The following PALM2AKAP2 variants were observed in gnomAD, a reference collection of about 807,000 sequenced individuals.
PALM2AKAP2 encodes PALM2 and AKAP2 fusion, also known as PALM2-AKAP2 fusion protein.
PALM2AKAP2 carries 37 observed loss-of-function variants against 71.5 expected under a neutral mutation model. The observed-to-expected ratio is 0.52, with a 90% CI of 0.40 to 0.68. The LOEUF (loss-of-function observed/expected upper bound fraction) is 0.68. Ranked by LOEUF, PALM2AKAP2 falls within the 30% of genes least tolerant of loss-of-function variation. PALM2AKAP2 has a pLI of 0.00. For missense variants in PALM2AKAP2, 1,224 were observed against 1,191.8 expected, an observed-to-expected ratio of 1.03 and a Z score of -0.40; for synonymous variants, 468 against 478.8, an observed-to-expected ratio of 0.98 and a Z score of 0.29.
chr9:109,838,608 C>G (rs1322319428), intron 1 of PALM2AKAP2, among the ~76,000 whole-genome samples: 1 of 151,968 alleles, frequency 6.6e-6, no homozygotes, highest in Non-Finnish European at 1.5e-5. Flanking sequence ...TTGAAAAGAT[C>G]AACAAAATTG....
intron 1 of PALM2AKAP2, among the ~76,000 whole-genome samples, chr9:109,861,103 G>A (rs571881819): frequency 9.2e-5 from 14 of 152,352 alleles, no homozygotes; most frequent in African/African-American, 2.9e-4. Flanking sequence ...AGGTATCAGC[G>A]CAAGCTAGAA....
At chr9:109,851,177 A>AAAAACT (rs386415836) in intron 1 of PALM2AKAP2, among the ~76,000 whole-genome samples, 1 of 37,934 alleles carries the variant, frequency 2.6e-5, no homozygotes, top group Non-Finnish European at 4.7e-5. Flanking sequence ...ACTCCGTCTC[A>AAAAACT]ACAACAACAA....
At chr9:109,880,168 A>G (rs1354207400) in intron 2 of PALM2AKAP2, among the ~76,000 whole-genome samples, 1 of 152,202 alleles carries the variant, frequency 6.6e-6, no homozygotes, top group Admixed American at 6.5e-5. Flanking sequence ...AGTTGCATAG[A>G]AAAATGTTCT....
At chr9:109,667,676 C>T (rs1366178636) in intron 1 of PALM2AKAP2, among the ~76,000 whole-genome samples, 3 of 152,058 alleles carry the variant, frequency 2.0e-5, no homozygotes, top group Non-Finnish European at 4.4e-5. Flanking sequence ...ACCTGTAATC[C>T]CAGTTACTCA....
chr9:110,159,454 G>C (rs117635619), intron 3 of PALM2AKAP2, among the ~76,000 whole-genome samples: 2 of 152,140 alleles, frequency 1.3e-5, no homozygotes, highest in Non-Finnish European at 2.9e-5. Flanking sequence ...AATGCCTGTC[G>C]CGTGATTAGA....
chr9:110,167,715 T>C (rs1200286121), intron 3 of PALM2AKAP2, among the ~76,000 whole-genome samples: 1 of 152,156 alleles, frequency 6.6e-6, no homozygotes, highest in African/African-American at 2.4e-5. Context: ...GCTTTTTTAG[T>C]TTAATTTTGC....
chr9:109,991,111 C>G (rs1832473347), intron 6 of PALM2AKAP2, among the ~76,000 whole-genome samples: 1 of 152,092 alleles, frequency 6.6e-6, no homozygotes, highest in Non-Finnish European at 1.5e-5. Context: ...ATTTCTGCCT[C>G]CCTGGTTGGG....
At chr9:110,161,908 T>C (rs951859950) in intron 3 of PALM2AKAP2, among the ~76,000 whole-genome samples, 186 bp from the exon 10 acceptor site, 24 of 151,830 alleles carry the variant, frequency 1.6e-4, no homozygotes, top group Non-Finnish European at 2.2e-4. Context: ...ATCTAGTTGC[T>C]GCAAAGAATA....
chr9:110,058,427 C>G (rs76519535), intron 1 of PALM2AKAP2, among the ~76,000 whole-genome samples: 2,041 of 152,238 alleles, frequency 0.013, 45 homozygotes, highest in African/African-American at 0.042. Flanking sequence ...CTCCCATTCC[C>G]AATCCTGCCT....
chr9:109,711,731 G>A (rs1414915011), intron 1 of PALM2AKAP2, among the ~76,000 whole-genome samples: 1 of 152,236 alleles, frequency 6.6e-6, no homozygotes, highest in African/African-American at 2.4e-5. Flanking sequence ...TTATGGCACA[G>A]AGAGCTAAAC....
intron 1 of PALM2AKAP2, among the ~76,000 whole-genome samples, chr9:109,802,273 A>G (rs1827453265): frequency 6.6e-6 from 1 of 152,202 alleles, no homozygotes; most frequent in South Asian, 2.1e-4. Context: ...TGGCTTCATC[A>G]GCACGTGATT....
At chr9:109,809,352 A>G (rs1440697916) in intron 1 of PALM2AKAP2, among the ~76,000 whole-genome samples, 1 of 152,224 alleles carries the variant, frequency 6.6e-6, no homozygotes, top group Non-Finnish European at 1.5e-5. Flanking sequence ...CGTGACCTGG[A>G]TGTGAGACAT....
At chr9:109,668,937 C>G (rs1349314995) in intron 1 of PALM2AKAP2, among the ~76,000 whole-genome samples, 1 of 152,198 alleles carries the variant, frequency 6.6e-6, no homozygotes, top group Admixed American at 6.5e-5. Context: ...TATCTTGATA[C>G]TCTCAAAGCT....
intron 6 of PALM2AKAP2, among the ~76,000 whole-genome samples, chr9:109,991,509 G>C (rs529340138): frequency 1.3e-5 from 2 of 152,146 alleles, no homozygotes; most frequent in African/African-American, 4.8e-5. Context: ...AAGGTGTAAG[G>C]ATTACAGGCG....
chr9:110,105,383 A>G (rs1335587877), intron 1 of PALM2AKAP2, among the ~76,000 whole-genome samples: 1 of 152,170 alleles, frequency 6.6e-6, no homozygotes, highest in African/African-American at 2.4e-5. Flanking sequence ...TGTAGATCCT[A>G]CTTGGGAATT....
chr9:109,941,719 G>A (rs1831374527), intron 6 of PALM2AKAP2, among the ~76,000 whole-genome samples: 2 of 152,192 alleles, frequency 1.3e-5, no homozygotes, highest in Admixed American at 1.3e-4. Context: ...TGTCACAAGA[G>A]TCTATAGGAC....
At chr9:109,784,604 C>A (rs1247196969) in intron 1 of PALM2AKAP2, among the ~76,000 whole-genome samples, 1 of 152,210 alleles carries the variant, frequency 6.6e-6, no homozygotes, top group Non-Finnish European at 1.5e-5. Flanking sequence ...CTCATTGAAT[C>A]CTAATAAGAA....
chr9:109,973,742 A>T (rs911818600), intron 6 of PALM2AKAP2, among the ~76,000 whole-genome samples: 1 of 152,180 alleles, frequency 6.6e-6, no homozygotes, highest in African/African-American at 2.4e-5. Context: ...GGTAGGTATT[A>T]TTATCCTCAT....
In PALM2AKAP2 at chr9:109,985,785, G is replaced by T. The variant is rs186158235; in HGVS notation, c.497-30169G>T. On this transcript the variant is annotated intron_variant, in intron 6 of 9. Coordinates refer to the PALM2AKAP2 transcript ENST00000302798. ...CTGCCTCAGCCACCTAAGTAGCTGG[G>T]ATTACAGGCATGCACCACCATGCCC... 8.1e-3 allele frequency among the ~76,000 whole-genome samples: 1,230 copies of T among 151,998 alleles called. 6 individuals are homozygous for T. The highest frequency in any genetic ancestry group is 0.012 in the Non-Finnish European group (805 of 67,952).
Sources: gnomAD v4.1 joint callset for allele counts (sites outside exome capture counted in the v4.1 genomes callset) on GRCh38, gnomAD v4.1.1 for gene constraint, MANE v1.5 for transcripts, NCBI Gene and HGNC (gene_info 2026-07-23, HGNC 2026-07-21) for gene names.